Variants in AMZ1 observed in about 807,000 individuals in gnomAD.
The protein encoded by AMZ1 is archaelysin family metallopeptidase 1.
In AMZ1, 39 loss-of-function variants were observed where a neutral mutation model predicts 29.9. That is an observed-to-expected ratio of 1.30 (90% confidence interval 1.01 to 1.70). The LOEUF (loss-of-function observed/expected upper bound fraction) is 1.70. AMZ1 is among the 40% of genes most tolerant of loss of function. The pLI is 0.00. For missense variants in AMZ1, 1,041 were observed against 680.6 expected (o/e 1.53, Z -5.89); for synonymous variants, 458 against 304.0 (o/e 1.51, Z -5.27).
At chr7:2,684,542 A>T (rs1002881152), upstream of AMZ1, among the ~76,000 whole-genome samples, 12 of 152,272 alleles carry the variant, frequency 7.9e-5, no homozygotes, top group African/African-American at 2.9e-4. Context: ...TTTGTTCATC[A>T]CTGAAAGGAC....
intron 4 of AMZ1, among the ~76,000 whole-genome samples, chr7:2,724,827 G>T (rs938872410): frequency 6.6e-6 from 1 of 152,210 alleles, no homozygotes; most frequent in Admixed American, 6.5e-5. Flanking sequence ...TGCCGGGCGC[G>T]TGAGAGTCTC....
rs530551064 is a variant in AMZ1, at chr7:2,713,174, C to A, written c.*296C>A. On this transcript the variant is annotated 3_prime_UTR_variant, in exon 7 of 7. Coordinates refer to ENST00000683327, the MANE Select transcript of AMZ1 (RefSeq NM_001384743.1). ...GGAGGATTGCTTGAGCCTAGGAGGT[C>A]GAGGCTGCAGTGGGATGTGATCATA... The A allele has an allele frequency of 1.1e-5, 3 of 266,392 alleles. No individual in the cohort carries two copies. Among genetic ancestry groups the A allele is most frequent in the Admixed American group, 5.2e-5 (1 of 19,134 alleles). 16.5% of individuals were successfully genotyped at this position (266,392 alleles called of 1,614,324 possible).
intron 3 of AMZ1, among the ~76,000 whole-genome samples, chr7:2,706,516 C>A (rs975048272): frequency 6.6e-6 from 1 of 152,202 alleles, no homozygotes; most frequent in African/African-American, 2.4e-5. Context: ...GGCAGGGCCA[C>A]GTGGTCTCAG....
chr7:2,698,026 C>T (rs913778608), intron 1 of AMZ1, among the ~76,000 whole-genome samples: 1 of 152,122 alleles, frequency 6.6e-6, no homozygotes, highest in Non-Finnish European at 1.5e-5. Flanking sequence ...TTACATATAT[C>T]AAATTTATTT....
intron 4 of AMZ1, among the ~76,000 whole-genome samples, chr7:2,747,463 A>C (rs1790822445): frequency 6.6e-6 from 1 of 152,250 alleles, no homozygotes; most frequent in Non-Finnish European, 1.5e-5. Context: ...CTTTGACAAA[A>C]TTCAACAACC....
intron 4 of AMZ1, among the ~76,000 whole-genome samples, chr7:2,753,955 C>G (rs202026942): frequency 1.5e-3 from 225 of 152,216 alleles, no homozygotes; most frequent in Admixed American, 4.2e-3. Context: ...GTAGGTCCGG[C>G]GGCGCATCTT....
Position 2,700,400 on chromosome 7 carries a change from C to T in AMZ1, c.-52C>T. The T allele has an allele frequency of 6.4e-7, 1 of 1,565,840 alleles. No individual in the cohort carries two copies. Among genetic ancestry groups the T allele is most frequent in the Non-Finnish European group, 8.6e-7 (1 of 1,161,222 alleles). On this transcript the variant is annotated 5_prime_UTR_variant, in exon 2 of 7. Transcript: ENST00000683327. ...AGACCGTGGCCGTCCCCCGGGTGGC[C>T]CATGGACAGCAGCAGGGGCTCCCAG...
chr7:2,757,104 G>T (rs1469876769), intron 4 of AMZ1, among the ~76,000 whole-genome samples: 1 of 150,266 alleles, frequency 6.7e-6, no homozygotes, highest in African/African-American at 2.4e-5. Flanking sequence ...GGTGACCTTG[G>T]CAGGCCCGAT....
At chr7:2,710,942 G>A (rs531535913) in intron 6 of AMZ1, among the ~76,000 whole-genome samples, 3 of 152,338 alleles carry the variant, frequency 2.0e-5, no homozygotes, top group African/African-American at 7.2e-5. Context: ...AGGCACAGGG[G>A]CAGCTTGGTC....
intron 1 of AMZ1, among the ~76,000 whole-genome samples, chr7:2,698,787 G>C (rs182905985): frequency 1.5e-3 from 223 of 152,318 alleles, no homozygotes; most frequent in Admixed American, 3.0e-3. Flanking sequence ...AGTGAGCTAT[G>C]ATTGCACCAC....
rs1789245570 is a variant in AMZ1, at chr7:2,718,277, T to C, written c.*5399T>C. On this transcript the variant is annotated 3_prime_UTR_variant, in exon 7 of 7. Coordinates refer to ENST00000683327, the MANE Select transcript of AMZ1 (RefSeq NM_001384743.1). Reference sequence around the variant, plus strand: ...TCCTGACTGTGGGCCCAGTGTCCATTTTCTCTCTCAGGCAGGGTGCTCTGC... The same window carrying C: ...TCCTGACTGTGGGCCCAGTGTCCATCTTCTCTCTCAGGCAGGGTGCTCTGC... Among the ~76,000 whole-genome samples, 1 of 152,166 alleles carries C rather than the reference T, an allele frequency of 6.6e-6. No individual in the cohort carries two copies. Among genetic ancestry groups the C allele is most frequent in the African/African-American group, 2.4e-5 (1 of 41,436 alleles).
chr7:2,683,458 G>A (rs1398378145), upstream of AMZ1, among the ~76,000 whole-genome samples: 1 of 151,754 alleles, frequency 6.6e-6, no homozygotes, highest in African/African-American at 2.4e-5. Flanking sequence ...TTTTTTTTGA[G>A]ACAGAGTCTG....
At chr7:2,705,489 C>T (rs1203036004) in intron 3 of AMZ1, among the ~76,000 whole-genome samples, 3 of 152,178 alleles carry the variant, frequency 2.0e-5, no homozygotes, top group East Asian at 3.8e-4. Context: ...ATATAGAGGG[C>T]GGCTCTCTAC....
chr7:2,752,397 C>T (rs932647845), intron 4 of AMZ1, among the ~76,000 whole-genome samples: 1 of 152,196 alleles, frequency 6.6e-6, no homozygotes, highest in African/African-American at 2.4e-5. Context: ...AGGATGCCCA[C>T]TTTTACTGCT....
Position 2,700,657 on chromosome 7 carries a change from G to A in AMZ1, c.206G>A (p.Ser69Asn), listed in dbSNP as rs1787999567. The change falls in exon 2 of 7, where the codon AGC (serine) becomes AAC (asparagine). Residue 69 changes from serine to asparagine, a missense_variant. By Grantham distance (46) the Ser-to-Asn change is conservative. Coordinates refer to ENST00000683327, the MANE Select transcript of AMZ1 (RefSeq NM_001384743.1). ...LIRTGFDWLL[S>N]RPEAPEDFQT... ...CGCACGGGCTTCGACTGGCTCCTGA[G>A]CCGACCCGAGGCTCCCGAGGACTTC... The A allele has an allele frequency of 1.2e-6, 2 of 1,612,084 alleles. No homozygotes were observed. The highest frequency in any genetic ancestry group is 2.2e-5 in the East Asian group (1 of 44,902).
intron 1 of AMZ1, among the ~76,000 whole-genome samples, chr7:2,695,361 C>T (rs1051333539): frequency 1.3e-5 from 2 of 152,110 alleles, no homozygotes; most frequent in East Asian, 1.9e-4. Context: ...GCATAGAACC[C>T]ACGTGGTCCC....
upstream of AMZ1, among the ~76,000 whole-genome samples, chr7:2,685,148 T>TG (rs1267998163): frequency 4.0e-5 from 6 of 151,278 alleles, no homozygotes; most frequent in Non-Finnish European, 8.8e-5. Flanking sequence ...GGATTACAGG[T>TG]TGAGCCGCCG....
At chr7:2,701,878 A>T (rs1204365545) in intron 2 of AMZ1, 1 of 152,294 alleles carries the variant, frequency 6.6e-6, no homozygotes, top group Non-Finnish European at 1.5e-5. Flanking sequence ...CACAGCAGCC[A>T]ATCCAACAGC....
chr7:2,711,078 C>A (rs1788744063), intron 6 of AMZ1, among the ~76,000 whole-genome samples: 1 of 151,924 alleles, frequency 6.6e-6, no homozygotes, highest in Non-Finnish European at 1.5e-5. Context: ...CCTGGATCCA[C>A]CTGGATCTGA....
Sources: gnomAD v4.1 joint callset for allele counts (sites outside exome capture counted in the v4.1 genomes callset) on GRCh38, gnomAD v4.1.1 for gene constraint, MANE v1.5 for transcripts, NCBI Gene and HGNC (gene_info 2026-07-23, HGNC 2026-07-21) for gene names.